WWC2: variants seen among roughly 807,000 people sequenced by gnomAD.
WWC2 encodes the protein WW and C2 domain containing 2, also known as protein WWC2.
Under a neutral mutation model 138.5 loss-of-function variants are expected in WWC2, and 101 were observed. The observed-to-expected ratio is 0.73, with a 90% CI of 0.62 to 0.86. WWC2 has a LOEUF of 0.86. Among genes scored for constraint, WWC2 ranks in the 40% least tolerant of loss-of-function variants. The pLI is 0.00. For synonymous variants in WWC2, 558 were observed against 538.4 expected (o/e 1.04, Z -0.50); for missense variants, 1,420 against 1,419.4 (o/e 1.00, Z -0.01).
intron 3 of WWC2, 49 bp downstream of exon 3, chr4:183,208,205 A>G (rs972569033): frequency 6.4e-7 from 1 of 1,572,018 alleles, no homozygotes; most frequent in Non-Finnish European, 8.7e-7. Flanking sequence ...ACTGAATTGT[A>G]GATAACAGAA....
At chr4:183,247,767 T>A (rs1413853737) in intron 6 of WWC2, among the ~76,000 whole-genome samples, 2 of 140,906 alleles carry the variant, frequency 1.4e-5, no homozygotes, top group Non-Finnish European at 3.0e-5. Flanking sequence ...ATATATATAA[T>A]ATATATACTA....
chr4:183,208,246 T>A, intron 3 of WWC2, 90 bp downstream of exon 3: 1 of 1,374,084 alleles, frequency 7.3e-7, no homozygotes, highest in Non-Finnish European at 9.9e-7. Context: ...AGTTTAATTT[T>A]GAGTCCTTTT....
At chr4:183,181,424 A>G (rs1277057372) in intron 1 of WWC2, among the ~76,000 whole-genome samples, 2 of 152,218 alleles carry the variant, frequency 1.3e-5, no homozygotes, top group Admixed American at 6.5e-5. Flanking sequence ...GACTTGCTTG[A>G]TATCTACGGT....
At chr4:183,213,106 C>T (rs1325579414) in intron 4 of WWC2, among the ~76,000 whole-genome samples, 1 of 152,168 alleles carries the variant, frequency 6.6e-6, no homozygotes, top group African/African-American at 2.4e-5. Flanking sequence ...ACTGTGAATG[C>T]CTTTTTAGAA....
chr4:183,312,270 T>G (rs1385390559), intron 21 of WWC2, 71 bp from the exon 22 acceptor site: 8 of 1,580,880 alleles, frequency 5.1e-6, no homozygotes, highest in Non-Finnish European at 6.0e-6. Flanking sequence ...TCTTTGAAGC[T>G]TCATAGGATG....
chr4:183,254,043 G>A (rs755580937), intron 9 of WWC2, 44 bp downstream of exon 9: 21 of 1,596,582 alleles, frequency 1.3e-5, no homozygotes, highest in South Asian at 2.3e-5. Context: ...CTCTTGTGGG[G>A]GTGTCTTAAC....
At chr4:183,117,212 CTTCTTTTTTTTTTTT>C (rs1324358773) in intron 1 of WWC2, among the ~76,000 whole-genome samples, 2 of 138,012 alleles carry the variant, frequency 1.4e-5, no homozygotes, top group Non-Finnish European at 3.1e-5. Context: ...CCACATTCTT[CTTCTTTTTTTTTTTT>C]TTTTTTTTTT....
At chr4:183,171,646 C>T (rs913031614) in intron 1 of WWC2, among the ~76,000 whole-genome samples, 2 of 15,246 alleles carry the variant, frequency 1.3e-4, no homozygotes, top group Non-Finnish European at 2.9e-4. Context: ...AAATGATTAA[C>T]AAACACTCAA....
intron 1 of WWC2, among the ~76,000 whole-genome samples, chr4:183,133,308 C>G (rs375576969): frequency 5.5e-4 from 83 of 151,958 alleles, no homozygotes; most frequent in African/African-American, 1.9e-3. Flanking sequence ...GAGCACACCC[C>G]CTTGCCTGCC....
intron 22 of WWC2, among the ~76,000 whole-genome samples, chr4:183,313,694 G>A (rs1455462857): frequency 6.6e-6 from 1 of 151,734 alleles, no homozygotes; most frequent in Non-Finnish European, 1.5e-5. Context: ...TGAGGTGACT[G>A]GGAAAGGAGG....
chr4:183,292,534 A>T (rs189854607), intron 21 of WWC2, among the ~76,000 whole-genome samples: 1 of 152,272 alleles, frequency 6.6e-6, no homozygotes, highest in Non-Finnish European at 1.5e-5. Context: ...TACAATTTGG[A>T]CATACGTCTA....
At chr4:183,140,855 C>T (rs1309445593) in intron 1 of WWC2, among the ~76,000 whole-genome samples, 1 of 151,848 alleles carries the variant, frequency 6.6e-6, no homozygotes, top group East Asian at 1.9e-4. Flanking sequence ...AGAGCATAGA[C>T]TCTAGAGTGA....
intron 21 of WWC2, among the ~76,000 whole-genome samples, chr4:183,304,088 T>C (rs1738949399): frequency 6.6e-6 from 1 of 152,064 alleles, no homozygotes; most frequent in East Asian, 1.9e-4. Context: ...TTTGAAGTCT[T>C]CAATCTAACA....
chr4:183,146,594 T>A (rs1032209874), intron 1 of WWC2, among the ~76,000 whole-genome samples: 1 of 152,128 alleles, frequency 6.6e-6, no homozygotes, highest in African/African-American at 2.4e-5. Flanking sequence ...TGGGGAAGGA[T>A]CACAGGAATT....
intron 1 of WWC2, among the ~76,000 whole-genome samples, chr4:183,134,485 AT>A (rs1187098789): frequency 1.3e-5 from 2 of 152,088 alleles, no homozygotes; most frequent in African/African-American, 4.8e-5. Context: ...AAAGTTTGTA[AT>A]TGTTATTTCA....
chr4:183,251,566 C>G (rs1040760957), intron 8 of WWC2, among the ~76,000 whole-genome samples: 1 of 152,206 alleles, frequency 6.6e-6, no homozygotes, highest in Admixed American at 6.5e-5. Context: ...ATTTGGAACA[C>G]TCCTTCTAAA....
At position 183,209,010 on chromosome 4, in the gene WWC2, C is replaced by T; in HGVS notation, c.507C>T (p.Ser169=). 1 of 1,570,690 alleles carries T rather than the reference C, an allele frequency of 6.4e-7. No individual in the cohort carries two copies. Among genetic ancestry groups the T allele is most frequent in the Non-Finnish European group, 8.7e-7 (1 of 1,155,070 alleles). The change falls in exon 4 of 23, where the codon TCC becomes TCT. Residue 169 remains serine, a synonymous_variant. Coordinates refer to ENST00000403733, the MANE Select transcript of WWC2 (RefSeq NM_024949.6). ...CCGATATTTTAAAAGCTGAGATCTC[C>T]ACTACAAGATTAAGGGTAAGAAGTT... ...YDPDILKAEI[S]TTRLRVKKLK...
At chr4:183,218,019 T>A (rs1265268586) in intron 4 of WWC2, among the ~76,000 whole-genome samples, 2 of 152,166 alleles carry the variant, frequency 1.3e-5, no homozygotes, top group African/African-American at 2.4e-5. Context: ...AAAGTCATTA[T>A]GTACAGTGGA....
At chr4:183,130,202 G>A (rs1732880179) in intron 1 of WWC2, among the ~76,000 whole-genome samples, 2 of 151,850 alleles carry the variant, frequency 1.3e-5, no homozygotes, top group Admixed American at 6.6e-5. Flanking sequence ...ACAGGCGCCC[G>A]CCACCACGCC....
Sources: allele counts gnomAD v4.1 joint callset (sites outside exome capture counted in the v4.1 genomes callset), GRCh38; gene constraint gnomAD v4.1.1; transcripts MANE v1.5; gene names NCBI Gene and HGNC (gene_info 2026-07-23, HGNC 2026-07-21).